The following FGD5 variants were observed in gnomAD, a reference collection of about 807,000 sequenced individuals.
FGD5 encodes the protein FYVE, RhoGEF and PH domain containing 5, also known as FYVE, RhoGEF and PH domain-containing protein 5.
A neutral mutation model predicts 133.4 loss-of-function variants in FGD5; 28 were observed. That is an observed-to-expected ratio of 0.21 (90% CI 0.16 to 0.29). The LOEUF is 0.29. Among genes scored for constraint, FGD5 ranks in the 10% least tolerant of loss-of-function variants. The probability of loss-of-function intolerance (pLI) is 1.00; values close to 1 mark genes in which losing one functional copy is unlikely to be tolerated. For synonymous variants in FGD5, 810 were observed against 776.5 expected (o/e 1.04, Z -0.72); for missense variants, 1,858 against 1,895.2 (o/e 0.98, Z 0.36).
chr3:14,902,422 T>G (rs967763344), intron 9 of FGD5, among the ~76,000 whole-genome samples: 3 of 151,878 alleles, frequency 2.0e-5, no homozygotes, highest in African/African-American at 7.3e-5. Context: ...ACGGTGCATG[T>G]TGGAGTTCAG....
intron 6 of FGD5, 58 bp downstream of exon 6, chr3:14,898,153 A>C: frequency 6.2e-7 from 1 of 1,605,846 alleles, no homozygotes; most frequent in Non-Finnish European, 8.5e-7. Context: ...GAGGTGGGCG[A>C]AGGGCTTAAT....
intron 2 of FGD5, among the ~76,000 whole-genome samples, chr3:14,869,279 G>A (rs575668447): frequency 6.6e-6 from 1 of 152,100 alleles, no homozygotes; most frequent in Admixed American, 6.5e-5. Flanking sequence ...GGGCGACAGA[G>A]CAAGACTCTG....
In FGD5 at chr3:14,922,424, T is replaced by G; in HGVS notation, c.3683T>G (p.Leu1228Arg). Residue 1228 changes from leucine (L) to arginine (R), a missense_variant, in exon 15 of 20, where the codon CTG becomes CGG. Transcript: ENST00000285046. The surrounding 1 kb of genome is among the most constrained non-coding windows in gnomAD (Gnocchi z 4.1). Reference sequence around the variant, plus strand: ...CTGTTGCTGCAGATACGAGAGAGGCTGGGGGTTAGCCTTGGGGAGAGGCCC... The same window carrying G: ...CTGTTGCTGCAGATACGAGAGAGGCGGGGGGTTAGCCTTGGGGAGAGGCCC... Reference protein sequence around the residue: ...FHHSVEIRERLGVSLGERPPT... With the variant: ...FHHSVEIRERRGVSLGERPPT... The G allele has an allele frequency of 6.4e-7, 1 of 1,568,158 alleles. No homozygotes were observed. Among genetic ancestry groups the G allele is most frequent in the African/African-American group, 1.4e-5 (1 of 73,874 alleles).
At chr3:14,848,435 C>CT (rs2037096073) in intron 1 of FGD5, among the ~76,000 whole-genome samples, 1 of 152,026 alleles carries the variant, frequency 6.6e-6, no homozygotes, top group Admixed American at 6.5e-5. Flanking sequence ...TTGCTGCAGC[C>CT]TTAACACCGC....
At chr3:14,914,269 G>A (rs956242230) in intron 11 of FGD5, among the ~76,000 whole-genome samples, 3 of 152,174 alleles carry the variant, frequency 2.0e-5, no homozygotes, top group Non-Finnish European at 2.9e-5. Flanking sequence ...GGGGCATCTG[G>A]GCGCCCACGC....
rs1443653078 is a variant in FGD5 at position 14,932,644 on chromosome 3, G to A, written c.4265G>A (p.Ser1422Asn). The A allele has an allele frequency of 6.2e-7, 1 of 1,614,062 alleles. No individual in the cohort carries two copies. Residue 1422 changes from serine (S) to asparagine (N), a missense_variant, in exon 19 of 20, where the codon AGC (serine) becomes AAC (asparagine). Transcript: ENST00000285046. ...ATTGCTCCAGAAAAGGAAGAGGGCA[G>A]CAGTGAAGTAGGACCTATTTTTCAC... ...FTIAPEKEEGSSEVGPIFHLY... is the reference protein window; with the variant it reads ...FTIAPEKEEGNSEVGPIFHLY...
chr3:14,870,979 G>A (rs79941506), intron 2 of FGD5, among the ~76,000 whole-genome samples: 1 of 152,194 alleles, frequency 6.6e-6, no homozygotes, highest in African/African-American at 2.4e-5. Flanking sequence ...CATCATGCAA[G>A]ATACAAAACG....
rs763455633 is a variant in FGD5 at position 14,922,473 on chromosome 3, C to T, written c.3732C>T (p.His1244=). 1.3e-5 allele frequency: 21 copies of T among 1,578,868 alleles called. No individual in the cohort carries two copies. The highest frequency in any genetic ancestry group is 7.3e-5 in the Admixed American group (4 of 54,976). The part of the protein sequence containing the change: ...ERPPTLVPVT[H]VMMCMNCGCD... ...CCCCCACCCTGGTGCCTGTCACACA[C>T]GTCATGATGTGCATGAACTGCGGCT... The change falls in exon 15 of 20, where the codon CAC becomes CAT. Residue 1244 remains histidine, a synonymous_variant. Coordinates refer to ENST00000285046, the MANE Select transcript of FGD5 (RefSeq NM_152536.4). This position sits in a 1 kb window ranked among gnomAD's most constrained non-coding sequence, Gnocchi z 4.1.
chr3:14,913,458 A>G (rs1656450), intron 11 of FGD5, among the ~76,000 whole-genome samples: 8,018 of 152,210 alleles, frequency 0.053, 488 homozygotes, highest in East Asian at 0.3. Context: ...CCGGATGGCA[A>G]TGGGGAGGCA....
chr3:14,833,051 A>G (rs542169680), intron 1 of FGD5, among the ~76,000 whole-genome samples: 23 of 152,328 alleles, frequency 1.5e-4, no homozygotes, highest in African/African-American at 5.3e-4. Flanking sequence ...CTGAGCGACG[A>G]ATTAATGTGT....
At chr3:14,858,369 G>GGATA (rs1275529194) in intron 1 of FGD5, among the ~76,000 whole-genome samples, 1 of 150,656 alleles carries the variant, frequency 6.6e-6, no homozygotes, top group Admixed American at 6.6e-5. Flanking sequence ...ATGGATGGAT[G>GGATA]GATGGATGGA....
Position 14,821,195 on chromosome 3 carries a change from T to G in FGD5, c.2124T>G (p.Ser708=), listed in dbSNP as rs1487100431. Residue 708 remains serine (S), a synonymous_variant, in exon 1 of 20, where the codon TCT becomes TCG. Coordinates refer to ENST00000285046, the MANE Select transcript of FGD5 (RefSeq NM_152536.4). ...RSLSNSPQLK[S]RTGKLRASES... ...TCAGCAACTCCCCTCAGCTTAAGTC[T>G]CGGACTGGGAAGCTCCGGGCTTCTG... is the stretch of plus-strand genomic sequence containing the variant. 6.2e-7 allele frequency: 1 copy of G among 1,613,808 alleles called. No individual in the cohort carries two copies. Among genetic ancestry groups the G allele is most frequent in the East Asian group, 2.2e-5 (1 of 44,870 alleles).
intron 9 of FGD5, among the ~76,000 whole-genome samples, chr3:14,901,732 G>A (rs1017569803): frequency 1.3e-5 from 2 of 152,214 alleles, no homozygotes; most frequent in South Asian, 2.1e-4. Flanking sequence ...GTGCCGAGGA[G>A]GTGCTATACT....
rs564316374 is a variant in FGD5, at chr3:14,840,639, T to C, written c.2525+19043T>C. ...ATATCCAGTCACCTATTGGTAGATA[T>C]TGAGTTATTTCCAGCCTTCTGCTAC... On this transcript the variant is annotated intron_variant, in intron 1 of 19. Transcript: ENST00000285046. Among the ~76,000 whole-genome samples the C allele has an allele frequency of 3.9e-5, 6 of 152,366 alleles. No individual in the cohort carries two copies. The East Asian group carries it at 9.6e-4, about 24-fold the overall frequency.
intron 1 of FGD5, among the ~76,000 whole-genome samples, chr3:14,839,296 G>A (rs1386116062): frequency 6.6e-6 from 1 of 152,198 alleles, no homozygotes; most frequent in Non-Finnish European, 1.5e-5. Flanking sequence ...CAGAGCTGTC[G>A]TGAAGGTCAT....
Position 14,897,678 on chromosome 3 carries a change from TC to T in FGD5, c.2909+12del. ...GAAAGGCTGTCAAATTGGTGAGCAG[TC>T]CCTGGACCCCCGGGTTCCACTTTTG... On this transcript the variant is annotated intron_variant, in intron 5 of 19. Coordinates refer to ENST00000285046, the MANE Select transcript of FGD5 (RefSeq NM_152536.4). 6.3e-7 allele frequency: 1 copy of T among 1,594,572 alleles called. No homozygotes were observed. The highest frequency in any genetic ancestry group is 8.5e-7 in the Non-Finnish European group (1 of 1,171,190).
intron 1 of FGD5, among the ~76,000 whole-genome samples, chr3:14,838,560 C>G (rs1276818722): frequency 6.6e-6 from 1 of 152,126 alleles, no homozygotes; most frequent in Non-Finnish European, 1.5e-5. Context: ...CCCAAGGTCC[C>G]CAGAGGTCTC....
At chr3:14,913,292 G>A (rs1369839489) in intron 11 of FGD5, among the ~76,000 whole-genome samples, 1 of 152,192 alleles carries the variant, frequency 6.6e-6, no homozygotes, top group African/African-American at 2.4e-5. Context: ...AGTTGTAACA[G>A]TTTCTCCCTT....
At chr3:14,924,958 G>C in intron 17 of FGD5, among the ~76,000 whole-genome samples, 1 of 151,874 alleles carries the variant, frequency 6.6e-6, no homozygotes, top group East Asian at 1.9e-4. Flanking sequence ...AAATCAGCCG[G>C]GTGTGGTGTC....
Sources: gnomAD v4.1 joint callset for allele counts (sites outside exome capture counted in the v4.1 genomes callset) on GRCh38, gnomAD v4.1.1 for gene constraint, Gnocchi (gnomAD v3.1) non-coding constraint, MANE v1.5 for transcripts, NCBI Gene and HGNC (gene_info 2026-07-23, HGNC 2026-07-21) for gene names.